Variants in MTHFD2L observed in about 807,000 individuals in gnomAD.
The protein encoded by MTHFD2L is methylenetetrahydrofolate dehydrogenase (NADP+ dependent) 2 like.
Under a neutral mutation model 34.9 loss-of-function variants are expected in MTHFD2L, and 29 were observed. The ratio of observed to expected loss-of-function variants is 0.83; its 90% CI spans 0.62 to 1.13. The LOEUF (loss-of-function observed/expected upper bound fraction) is 1.13, where lower values mean the gene tolerates loss of function less well. MTHFD2L is among the 50% of genes most tolerant of loss of function. MTHFD2L has a pLI of 0.00. For missense variants in MTHFD2L, 481 were observed against 446.5 expected (o/e 1.08, Z -0.70); for synonymous variants, 167 against 155.7 (o/e 1.07, Z -0.54).
intron 3 of MTHFD2L, among the ~76,000 whole-genome samples, chr4:74,186,438 G>GGAAAAAA (rs374452148): frequency 2.3e-5 from 2 of 88,192 alleles, no homozygotes; most frequent in African/African-American, 8.8e-5. Context: ...GGGAATCCAT[G>GGAAAAAA]AAAAAAAAAA....
chr4:74,249,979 A>G (rs1328796689), intron 6 of MTHFD2L, among the ~76,000 whole-genome samples: 1 of 150,156 alleles, frequency 6.7e-6, no homozygotes, highest in Non-Finnish European at 1.5e-5. Flanking sequence ...CTTCTCGAGG[A>G]GTATCTTTGT....
chr4:74,187,733 T>A (rs1731564104), intron 3 of MTHFD2L, among the ~76,000 whole-genome samples: 1 of 134,224 alleles, frequency 7.5e-6, no homozygotes, highest in South Asian at 2.5e-4. Flanking sequence ...AAACGTTAAA[T>A]ACACACACAC....
rs1243061003 is a variant in MTHFD2L at position 74,174,539 on chromosome 4, G to A, written c.177G>A (p.Met59Ile). Residue 59 changes from methionine (M) to isoleucine (I), a missense_variant, in exon 2 of 8, where the codon ATG becomes ATA. By Grantham distance (10) the Met-to-Ile change is conservative (BLOSUM62 1). Coordinates refer to ENST00000325278, the MANE Select transcript of MTHFD2L (RefSeq NM_001144978.3). ...CCATTATTATATCAGGAACCGAAAT[G>A]GCCAAGCATATCCAGAAAGAAATAC... ...HEAIIISGTE[M>I]AKHIQKEIQR... 6.3e-7 allele frequency: 1 copy of A among 1,585,780 alleles called. No individual in the cohort carries two copies. Among genetic ancestry groups the A allele is most frequent in the Non-Finnish European group, 8.6e-7 (1 of 1,167,706 alleles).
chr4:74,271,827 G>A (rs1442148282), intron 6 of MTHFD2L, among the ~76,000 whole-genome samples: 1 of 152,112 alleles, frequency 6.6e-6, no homozygotes, highest in Non-Finnish European at 1.5e-5. Context: ...TCATTTGTTT[G>A]TATCCTCTTT....
chr4:74,272,714 G>T (rs1335046083), intron 6 of MTHFD2L, among the ~76,000 whole-genome samples: 1 of 152,146 alleles, frequency 6.6e-6, no homozygotes, highest in African/African-American at 2.4e-5. Context: ...CAGGGTGCTA[G>T]AGGTCTGGCA....
rs540315959 is a variant in MTHFD2L at position 74,301,061 on chromosome 4, T to C, written c.932-636T>C. Among the ~76,000 whole-genome samples, 72 of 152,208 alleles carry C rather than the reference T, an allele frequency of 4.7e-4. 1 individual carries two copies. The highest frequency in any genetic ancestry group is 1.6e-3 in the African/African-American group (67 of 41,546). The stretch of plus-strand genomic sequence containing the variant: ...AAAGGTCACAATTCAAAATTTGAAG[T>C]ATAGTTCCCACTGAATCTGTATGGC... On this transcript the variant is annotated intron_variant, in intron 7 of 7. Coordinates refer to ENST00000325278, the MANE Select transcript of MTHFD2L (RefSeq NM_001144978.3).
intron 5 of MTHFD2L, among the ~76,000 whole-genome samples, chr4:74,222,208 C>T (rs1189804308): frequency 6.6e-6 from 1 of 152,126 alleles, no homozygotes; most frequent in East Asian, 1.9e-4. Context: ...AAAGCAAAGA[C>T]CATTTACATT....
chr4:74,258,368 A>C (rs1170489537), intron 6 of MTHFD2L, among the ~76,000 whole-genome samples: 1 of 151,912 alleles, frequency 6.6e-6, no homozygotes, highest in Admixed American at 6.6e-5. Flanking sequence ...AAAATATGAG[A>C]TAGCTAGAAG....
chr4:74,221,207 G>A (rs1206905389), intron 5 of MTHFD2L, among the ~76,000 whole-genome samples: 4 of 149,944 alleles, frequency 2.7e-5, no homozygotes, highest in South Asian at 4.2e-4. Context: ...TTACTTTTTG[G>A]TATTAATTAA....
chr4:74,232,331 C>G (rs1474755575), intron 6 of MTHFD2L, among the ~76,000 whole-genome samples: 1 of 152,126 alleles, frequency 6.6e-6, no homozygotes, highest in African/African-American at 2.4e-5. Flanking sequence ...GCCTCTCCCT[C>G]CTTTGGAACA....
chr4:74,202,592 C>T (rs772895031), intron 5 of MTHFD2L, among the ~76,000 whole-genome samples: 11 of 152,156 alleles, frequency 7.2e-5, no homozygotes, highest in African/African-American at 2.7e-4. Context: ...GGTTATTCAG[C>T]GTATCACTGT....
chr4:74,250,523 C>A (rs571395087), intron 6 of MTHFD2L, among the ~76,000 whole-genome samples: 1 of 152,170 alleles, frequency 6.6e-6, no homozygotes, highest in African/African-American at 2.4e-5. Context: ...ACTATACCAC[C>A]TAGCACATAG....
chr4:74,190,786 A>G (rs1732332490), intron 3 of MTHFD2L, among the ~76,000 whole-genome samples: 1 of 152,214 alleles, frequency 6.6e-6, no homozygotes, highest in Admixed American at 6.5e-5. Context: ...ATTTACTCTT[A>G]GAAAATAAAT....
chr4:74,249,502 G>A (rs896737760), intron 6 of MTHFD2L, among the ~76,000 whole-genome samples: 3 of 152,028 alleles, frequency 2.0e-5, no homozygotes, highest in Non-Finnish European at 4.4e-5. Context: ...ATATTGTTAT[G>A]TGTGATTTGA....
In MTHFD2L at chr4:74,205,473, T is replaced by G. The variant is rs1332144008; in HGVS notation, c.712+4103T>G. On this transcript the variant is annotated intron_variant, in intron 5 of 7. Coordinates refer to ENST00000325278, the MANE Select transcript of MTHFD2L (RefSeq NM_001144978.3). ...GTTTTTGTCTTAAAGCCAAAGATAA[T>G]TGTACTAGAAGAAAAATGACCATAC... 3.9e-5 allele frequency among the ~76,000 whole-genome samples: 6 copies of G among 152,318 alleles called. No homozygotes were observed. In the East Asian group the frequency reaches 9.6e-4, roughly 24 times the overall value.
rs185669609 is a variant in MTHFD2L, at chr4:74,226,610, G to A, written c.805+1216G>A. 6.0e-4 allele frequency among the ~76,000 whole-genome samples: 91 copies of A among 152,258 alleles called. 1 individual carries two copies. The highest frequency in any genetic ancestry group is 7.7e-4 in the East Asian group (4 of 5,190). On this transcript the variant is annotated intron_variant, in intron 6 of 7. Transcript: ENST00000325278. ...CTTGTGTATGGATAATTCACTTACA[G>A]ATATTTGAGAGTTTATCATTTACTC...
upstream of MTHFD2L, among the ~76,000 whole-genome samples, chr4:74,124,916 T>C (rs1452381030): frequency 2.0e-5 from 3 of 152,034 alleles, no homozygotes; most frequent in Non-Finnish European, 4.4e-5. Flanking sequence ...GTTTAGGTGC[T>C]GAGAGTACAA....
At chr4:74,189,363 C>T (rs975094196) in intron 3 of MTHFD2L, among the ~76,000 whole-genome samples, 30 of 151,958 alleles carry the variant, frequency 2.0e-4, no homozygotes, top group African/African-American at 7.0e-4. Context: ...GAAAAACTTT[C>T]TCAGAGGGAG....
chr4:74,183,327 C>G (rs1047925142), intron 3 of MTHFD2L: 1 of 151,954 alleles, frequency 6.6e-6, no homozygotes, highest in Non-Finnish European at 1.5e-5. Flanking sequence ...GAAGAGAGCT[C>G]AAAACTAAAA....
Sources: allele counts gnomAD v4.1 joint callset (sites outside exome capture counted in the v4.1 genomes callset), GRCh38; gene constraint gnomAD v4.1.1; transcripts MANE v1.5; gene names NCBI Gene and HGNC (gene_info 2026-07-23, HGNC 2026-07-21).